The following GHR variants were observed in gnomAD, a reference collection of about 807,000 sequenced individuals.
GHR encodes the protein growth hormone receptor, also known as GH receptor.
A neutral mutation model predicts 67.1 loss-of-function variants in GHR; 35 were observed. The ratio of observed to expected loss-of-function variants is 0.52; its 90% CI spans 0.40 to 0.69. The LOEUF is 0.69. GHR is among the 30% of genes least tolerant of loss of function. The pLI is 0.00. For synonymous variants in GHR, 272 were observed against 269.1 expected, an observed-to-expected ratio of 1.01 and a Z score of -0.10; for missense variants, 792 against 764.6, an observed-to-expected ratio of 1.04 and a Z score of -0.42.
At chr5:42,652,574 A>T (rs1385234621) in intron 3 of GHR, among the ~76,000 whole-genome samples, 2 of 152,192 alleles carry the variant, frequency 1.3e-5, no homozygotes. Context: ...GCAAGAATAT[A>T]GACTGCTTGC....
chr5:42,468,812 G>T, intron 1 of GHR: 1 of 1,033,558 alleles, frequency 9.7e-7, no homozygotes, highest in Non-Finnish European at 1.4e-6. Context: ...TCAAATAACT[G>T]GTCGAATCGG....
At position 42,581,705 on chromosome 5, in the gene GHR, G is replaced by A. The variant is rs114425714; in HGVS notation, c.70+15761G>A. Among the ~76,000 whole-genome samples, 1,049 of 152,258 alleles carry A rather than the reference G, an allele frequency of 6.9e-3. 11 individuals carry two copies. Among genetic ancestry groups the A allele is most frequent in the African/African-American group, 0.024 (991 of 41,560 alleles). Reference sequence around the variant, plus strand: ...CTGGAGCCGCTGCTGTGAAGATGCCGGCTGTAGTGGGGGAGGTGCGGCTGT... The same window carrying A: ...CTGGAGCCGCTGCTGTGAAGATGCCAGCTGTAGTGGGGGAGGTGCGGCTGT... On this transcript the variant is annotated intron_variant, in intron 2 of 9. Coordinates refer to ENST00000230882, the MANE Select transcript of GHR (RefSeq NM_000163.5).
intron 3 of GHR, among the ~76,000 whole-genome samples, chr5:42,654,175 G>A (rs1455130393): frequency 1.3e-5 from 2 of 152,076 alleles, no homozygotes; most frequent in African/African-American, 2.4e-5. Context: ...AAATTCCATC[G>A]TTGTCTCTTA....
At chr5:42,657,185 C>T (rs1048668609) in intron 3 of GHR, among the ~76,000 whole-genome samples, 1 of 151,912 alleles carries the variant, frequency 6.6e-6, no homozygotes, top group Non-Finnish European at 1.5e-5. Flanking sequence ...TGATTTTTTC[C>T]TCATGGAGGC....
Position 42,661,623 on chromosome 5 carries a change from A to G in GHR, c.137-27267A>G, listed in dbSNP as rs1419439571. Among the ~76,000 whole-genome samples the G allele has an allele frequency of 2.0e-5, 3 of 152,350 alleles. No individual in the cohort carries two copies. The East Asian group carries it at 5.8e-4, about 29-fold the overall frequency. ...AAGGAAGCACTAAACATGGAAAGGA[A>G]CAACAGGTACCAGCCACTGCAAAAT... On this transcript the variant is annotated intron_variant, in intron 3 of 9. Coordinates refer to ENST00000230882, the MANE Select transcript of GHR (RefSeq NM_000163.5).
intron 1 of GHR, among the ~76,000 whole-genome samples, chr5:42,539,842 A>G (rs972604922): frequency 6.6e-6 from 1 of 152,188 alleles, no homozygotes; most frequent in Non-Finnish European, 1.5e-5. Context: ...ATATGTTTAT[A>G]CTAAGCATTT....
chr5:42,694,988 A>T lies in GHR; in HGVS notation c.338A>T (p.Tyr113Phe). The T allele has an allele frequency of 1.2e-6, 2 of 1,610,470 alleles. No individual in the cohort carries two copies. Among genetic ancestry groups the T allele is most frequent in the Non-Finnish European group, 1.7e-6 (2 of 1,176,830 alleles). Reference protein sequence around the residue: ...DYVSAGENSCYFNSSFTSIWI... With the variant: ...DYVSAGENSCFFNSSFTSIWI... ...GTTTCTGCTGGGGAAAACAGCTGTT[A>T]CTTTAATTCATCGTTTACCTCCATC... Residue 113 changes from tyrosine (Y) to phenylalanine (F), a missense_variant, in exon 5 of 10, where the codon TAC (tyrosine) becomes TTC (phenylalanine). Tyr to Phe is a conservative substitution (Grantham distance 22). Coordinates refer to ENST00000230882, the MANE Select transcript of GHR (RefSeq NM_000163.5).
At chr5:42,677,825 C>T (rs769435433) in intron 3 of GHR, among the ~76,000 whole-genome samples, 4 of 152,110 alleles carry the variant, frequency 2.6e-5, no homozygotes, top group Non-Finnish European at 5.9e-5. Flanking sequence ...GATTGGACAC[C>T]TATACTTTGG....
At chr5:42,592,710 G>A (rs978917512) in intron 2 of GHR, among the ~76,000 whole-genome samples, 9 of 152,152 alleles carry the variant, frequency 5.9e-5, no homozygotes, top group Non-Finnish European at 1.5e-5. Flanking sequence ...TGTGAATAGA[G>A]CCTCAGTGAA....
In GHR at chr5:42,442,100, C is replaced by T. The variant is rs1040095319; in HGVS notation, c.-12+18145C>T. Among the ~76,000 whole-genome samples, 5 of 151,952 alleles carry T rather than the reference C, an allele frequency of 3.3e-5. No individual in the cohort carries two copies. In the East Asian group the frequency reaches 5.8e-4, roughly 18 times the overall value. ...AAGCCAAGTCAAAGGAGTTTTTGTTCGATGCCTTATATCTGCTCCAGAAAG... is the reference window on the plus strand; with the variant it reads ...AAGCCAAGTCAAAGGAGTTTTTGTTTGATGCCTTATATCTGCTCCAGAAAG... On this transcript the variant is annotated intron_variant, in intron 1 of 9. Coordinates refer to ENST00000230882, the MANE Select transcript of GHR (RefSeq NM_000163.5).
At chr5:42,606,967 G>T (rs1752657611) in intron 2 of GHR, among the ~76,000 whole-genome samples, 1 of 152,082 alleles carries the variant, frequency 6.6e-6, no homozygotes, top group Admixed American at 6.5e-5. Context: ...TGGTGATTAT[G>T]GTTTGGCTCT....
intron 1 of GHR, among the ~76,000 whole-genome samples, chr5:42,550,379 C>T (rs1748962906): frequency 6.6e-6 from 1 of 152,156 alleles, no homozygotes; most frequent in Non-Finnish European, 1.5e-5. Flanking sequence ...GTGATCCTGC[C>T]TCCCCAAGGT....
intron 1 of GHR, among the ~76,000 whole-genome samples, chr5:42,483,261 A>G (rs1745734227): frequency 6.6e-6 from 1 of 152,120 alleles, no homozygotes; most frequent in African/African-American, 2.4e-5. Context: ...CATGTTGCCC[A>G]GGCTGATCTC....
At chr5:42,505,183 A>G (rs973120396) in intron 1 of GHR, among the ~76,000 whole-genome samples, 16 of 128,732 alleles carry the variant, frequency 1.2e-4, no homozygotes, top group African/African-American at 4.7e-4. Context: ...TTTTAAATCT[A>G]TTATACTTTG....
intron 1 of GHR, among the ~76,000 whole-genome samples, chr5:42,476,061 T>C (rs1172339762): frequency 1.3e-4 from 20 of 151,548 alleles, no homozygotes; most frequent in Non-Finnish European, 2.2e-4. Context: ...CCAACCACCA[T>C]GCCCGGCTAA....
At chr5:42,480,230 G>C (rs1013333028) in intron 1 of GHR, among the ~76,000 whole-genome samples, 1 of 152,202 alleles carries the variant, frequency 6.6e-6, no homozygotes, top group African/African-American at 2.4e-5. Context: ...GTTCTACTTT[G>C]ATTGCACTGT....
At chr5:42,455,881 T>C (rs1744238432) in intron 1 of GHR, among the ~76,000 whole-genome samples, 1 of 152,228 alleles carries the variant, frequency 6.6e-6, no homozygotes, top group Admixed American at 6.5e-5. Context: ...CTTAGATCTG[T>C]GTTCTTTTTC....
At chr5:42,469,473 G>A (rs1744900528) in intron 1 of GHR, among the ~76,000 whole-genome samples, 1 of 152,168 alleles carries the variant, frequency 6.6e-6, no homozygotes, top group African/African-American at 2.4e-5. Context: ...AGATGTCCTT[G>A]TGGTGGGAGA....
At chr5:42,649,301 A>G (rs1754899746) in intron 3 of GHR, among the ~76,000 whole-genome samples, 2 of 152,192 alleles carry the variant, frequency 1.3e-5, no homozygotes, top group African/African-American at 2.4e-5. Flanking sequence ...TCATTAACAT[A>G]AGGGAAAACT....
Sources: allele counts gnomAD v4.1 joint callset (sites outside exome capture counted in the v4.1 genomes callset), GRCh38; gene constraint gnomAD v4.1.1; transcripts MANE v1.5; gene names NCBI Gene and HGNC (gene_info 2026-07-23, HGNC 2026-07-21).